Variants in EAF2 observed in about 807,000 individuals in gnomAD.
The protein encoded by EAF2 is ELL-associated factor 2.
Under a neutral mutation model 29.4 loss-of-function variants are expected in EAF2, and 29 were observed. That is an observed-to-expected ratio of 0.99 (90% confidence interval 0.73 to 1.35). The LOEUF is 1.35. Ranked by LOEUF, EAF2 falls within the 40% of genes most tolerant of loss-of-function variation. The probability of loss-of-function intolerance (pLI) is 0.00; values close to 1 mark genes in which losing one functional copy is unlikely to be tolerated. For synonymous variants in EAF2, 103 were observed against 102.5 expected (o/e 1.00, Z -0.03); for missense variants, 292 against 312.0 (o/e 0.94, Z 0.48).
intron 4 of EAF2, among the ~76,000 whole-genome samples, chr3:121,860,788 G>C (rs1294390220): frequency 1.3e-5 from 2 of 152,068 alleles, no homozygotes; most frequent in African/African-American, 4.8e-5. Context: ...GATCTTTCCT[G>C]CTTTCTCTTG....
intron 5 of EAF2, among the ~76,000 whole-genome samples, chr3:121,876,659 A>T (rs182146608): frequency 1.1e-4 from 16 of 152,136 alleles, no homozygotes; most frequent in African/African-American, 3.8e-4. Flanking sequence ...AGGAGGATAG[A>T]TACACTGAAT....
intron 2 of EAF2, among the ~76,000 whole-genome samples, chr3:121,850,052 G>C: frequency 6.7e-6 from 1 of 149,316 alleles, no homozygotes; most frequent in Middle Eastern, 3.3e-3. Context: ...TTTCTTTTGT[G>C]TATTCATAGA....
chr3:121,851,013 AT>A (rs769223049), intron 2 of EAF2, among the ~76,000 whole-genome samples: 3 of 151,980 alleles, frequency 2.0e-5, no homozygotes, highest in East Asian at 3.9e-4. Flanking sequence ...GTCTATTCTT[AT>A]CCATTTAAAG....
chr3:121,859,004 C>G (rs766444033), intron 4 of EAF2, among the ~76,000 whole-genome samples: 7 of 152,068 alleles, frequency 4.6e-5, no homozygotes, highest in Admixed American at 1.3e-4. Flanking sequence ...ATTTCTGAAG[C>G]CTCTGTTATG....
chr3:121,837,549 G>A (rs947845534), intron 1 of EAF2: 7 of 151,974 alleles, frequency 4.6e-5, no homozygotes, highest in Non-Finnish European at 8.8e-5. Context: ...GTTTTCTTAT[G>A]GCTAAAAGAT....
intron 1 of EAF2, among the ~76,000 whole-genome samples, chr3:121,839,528 T>TA (rs1207121201): frequency 2.6e-5 from 4 of 152,176 alleles, no homozygotes; most frequent in East Asian, 3.8e-4. Context: ...ATATTTATCA[T>TA]AAAAAATTCT....
chr3:121,854,645 C>A, intron 2 of EAF2, 42 bp from the exon 3 acceptor site: 3 of 1,442,422 alleles, frequency 2.1e-6, no homozygotes, highest in East Asian at 2.8e-5. Context: ...AAGTGAATTC[C>A]TATGATAAAT....
intron 2 of EAF2, among the ~76,000 whole-genome samples, chr3:121,846,868 G>A (rs968478880): frequency 6.6e-6 from 1 of 152,054 alleles, no homozygotes; most frequent in African/African-American, 2.4e-5. Flanking sequence ...CTTTAACCAA[G>A]AGTTACCATC....
chr3:121,882,856 G>A (rs1026289821), intron 5 of EAF2, among the ~76,000 whole-genome samples: 6 of 150,742 alleles, frequency 4.0e-5, no homozygotes, highest in Non-Finnish European at 8.9e-5. Context: ...GTTTCCTAAT[G>A]AAATAAACCA....
chr3:121,841,793 A>G (rs1221280457), intron 1 of EAF2, among the ~76,000 whole-genome samples: 4 of 151,816 alleles, frequency 2.6e-5, no homozygotes, highest in African/African-American at 9.7e-5. Flanking sequence ...GCGGATCACG[A>G]GGTCAGGAGT....
In EAF2 at chr3:121,880,308, A is replaced by AT. The variant is rs57276792; in HGVS notation, c.737-6020dup. ...TAGGTGTGCACCACCATGCCAGCTA[A>AT]TTTTTTTTTTTTTTAATAGAGACTG... On this transcript the variant is annotated intron_variant, in intron 5 of 5. Coordinates refer to ENST00000273668, the MANE Select transcript of EAF2 (RefSeq NM_018456.6). Among the ~76,000 whole-genome samples the AT allele has an allele frequency of 2.0e-4, 30 of 147,912 alleles. No homozygotes were observed. The East Asian group carries it at 4.3e-3, about 21-fold the overall frequency.
chr3:121,841,034 T>C (rs1406779245), intron 1 of EAF2, among the ~76,000 whole-genome samples: 1 of 152,150 alleles, frequency 6.6e-6, no homozygotes, highest in African/African-American at 2.4e-5. Context: ...CCATAAGGTG[T>C]TCCAGTAGTT....
intron 2 of EAF2, among the ~76,000 whole-genome samples, chr3:121,854,448 G>C (rs1222974582): frequency 6.6e-6 from 1 of 151,702 alleles, no homozygotes; most frequent in Non-Finnish European, 1.5e-5. Context: ...AATCTTTACT[G>C]TCCCAAGGTG....
intron 2 of EAF2, among the ~76,000 whole-genome samples, chr3:121,852,930 G>A (rs1708657510): frequency 6.6e-6 from 1 of 152,194 alleles, no homozygotes; most frequent in South Asian, 2.1e-4. Context: ...CTTCAGGTTT[G>A]ATGGAGCAGG....
intron 4 of EAF2, among the ~76,000 whole-genome samples, chr3:121,859,628 T>C (rs1270931468): frequency 6.6e-6 from 1 of 152,226 alleles, no homozygotes; most frequent in South Asian, 2.1e-4. Flanking sequence ...AGGGACAATT[T>C]GACTTCCTCT....
chr3:121,841,624 G>C (rs1162900155), intron 1 of EAF2, among the ~76,000 whole-genome samples: 1 of 151,044 alleles, frequency 6.6e-6, no homozygotes, highest in Non-Finnish European at 1.5e-5. Context: ...TGTAATCCCA[G>C]CATTTTGGGA....
chr3:121,841,166 T>A (rs1237349282), intron 1 of EAF2, among the ~76,000 whole-genome samples: 1 of 152,062 alleles, frequency 6.6e-6, no homozygotes, highest in East Asian at 1.9e-4. Flanking sequence ...TTTAGAGTAA[T>A]CCTTAGATTG....
intron 1 of EAF2, among the ~76,000 whole-genome samples, chr3:121,839,244 T>C (rs1174735092): frequency 6.6e-6 from 1 of 152,198 alleles, no homozygotes; most frequent in Non-Finnish European, 1.5e-5. Context: ...AAAAATCAGA[T>C]GATAAGCTGG....
chr3:121,858,213 T>C (rs1229444858), intron 4 of EAF2, among the ~76,000 whole-genome samples: 4 of 152,244 alleles, frequency 2.6e-5, no homozygotes, highest in Non-Finnish European at 1.5e-5. Context: ...TCAAATGGTA[T>C]TTCTAGTTCT....
Sources: gnomAD v4.1 joint callset for allele counts (sites outside exome capture counted in the v4.1 genomes callset) on GRCh38, gnomAD v4.1.1 for gene constraint, MANE v1.5 for transcripts, NCBI Gene and HGNC (gene_info 2026-07-23, HGNC 2026-07-21) for gene names.